SLCO3A1: variants seen among roughly 807,000 people sequenced by gnomAD.
SLCO3A1 encodes the protein solute carrier organic anion transporter family member 3A1, also known as PGE1 transporter.
A neutral mutation model predicts 63.1 loss-of-function variants in SLCO3A1; 27 were observed. The ratio of observed to expected loss-of-function variants is 0.43; its 90% CI spans 0.32 to 0.59. The LOEUF is 0.59. SLCO3A1 is among the 20% of genes least tolerant of loss of function. The pLI, the probability that SLCO3A1 is intolerant of heterozygous loss-of-function variation, is 0.09. For missense variants in SLCO3A1, 773 were observed against 945.8 expected (o/e 0.82, Z 2.40); for synonymous variants, 473 against 409.9 (o/e 1.15, Z -1.86).
At chr15:92,160,049 A>G (rs1596158278) in intron 9 of SLCO3A1, among the ~76,000 whole-genome samples, 1 of 152,106 alleles carries the variant, frequency 6.6e-6, no homozygotes, top group Non-Finnish European at 1.5e-5. Flanking sequence ...AGCATTTACT[A>G]GAGGTGTCCT....
chr15:91,955,950 G>C (rs955406887), intron 2 of SLCO3A1, among the ~76,000 whole-genome samples: 1 of 152,100 alleles, frequency 6.6e-6, no homozygotes, highest in African/African-American at 2.4e-5. Context: ...CCAACAGAAG[G>C]TATTGTTTTT....
intron 1 of SLCO3A1, among the ~76,000 whole-genome samples, chr15:91,864,228 A>G (rs1897112807): frequency 6.6e-6 from 1 of 152,182 alleles, no homozygotes; most frequent in Non-Finnish European, 1.5e-5. Flanking sequence ...TAAGTATAAC[A>G]TCGTAGAATC....
intron 7 of SLCO3A1, among the ~76,000 whole-genome samples, chr15:92,135,381 C>G (rs75624791): frequency 2.6e-5 from 4 of 152,216 alleles, no homozygotes; most frequent in Non-Finnish European, 5.9e-5. Context: ...TACCGGGGTG[C>G]AAGGTGGAAG....
At chr15:92,166,078 A>C (rs1394608168), downstream of SLCO3A1, among the ~76,000 whole-genome samples, 2 of 147,326 alleles carry the variant, frequency 1.4e-5, no homozygotes, top group Non-Finnish European at 3.0e-5. Context: ...TTGTTTTTCT[A>C]CCAATATCAT....
intron 1 of SLCO3A1, among the ~76,000 whole-genome samples, chr15:91,866,951 G>A (rs753052352): frequency 7.9e-5 from 12 of 152,150 alleles, no homozygotes; most frequent in Admixed American, 5.2e-4. Context: ...GGATAGATCC[G>A]AGGGTAGCAA....
intron 2 of SLCO3A1, among the ~76,000 whole-genome samples, chr15:92,008,130 A>G (rs760759065): frequency 6.6e-6 from 1 of 152,242 alleles, no homozygotes; most frequent in Non-Finnish European, 1.5e-5. Flanking sequence ...ATGACCCACT[A>G]GCAAAACTGA....
At position 91,916,492 on chromosome 15, in the gene SLCO3A1, C is replaced by A; in HGVS notation, c.646+34C>A. 6.7e-7 allele frequency: 1 copy of A among 1,487,480 alleles called. No homozygotes were observed. The allele number at this position is 1,487,480 out of a possible 1,614,324, so 92.1% of individuals were successfully genotyped here. A position where few individuals can be genotyped will look rare whatever the true frequency, so the allele number is the denominator to read the frequency against. Reference sequence around the variant, plus strand: ...TGCCCCAGCCGTATTAGCAAGAGACCAGGGTGTGTTGACCATGGATAAAAG... The same window carrying A: ...TGCCCCAGCCGTATTAGCAAGAGACAAGGGTGTGTTGACCATGGATAAAAG... On this transcript the variant is annotated intron_variant, in intron 2 of 9. Transcript: ENST00000318445. The surrounding 1 kb of genome is among the most constrained non-coding windows in gnomAD (Gnocchi z 6.2).
In SLCO3A1 at chr15:91,853,798, C is replaced by T; in HGVS notation, c.-111C>T. 1 of 1,025,242 alleles carries T rather than the reference C, an allele frequency of 9.8e-7. No individual in the cohort carries two copies. Among genetic ancestry groups the T allele is most frequent in the Non-Finnish European group, 1.2e-6 (1 of 843,612 alleles). The allele number at this position is 1,025,242 out of a possible 1,614,324, so 63.5% of individuals were successfully genotyped here. On this transcript the variant is annotated 5_prime_UTR_variant, in exon 1 of 10. Transcript: ENST00000318445. ...GGGGGCGGCCGCCGCGAACCCGGGG[C>T]GGGGACAGCACGCAGCCTCGAGGCG... is the stretch of plus-strand genomic sequence containing the variant.
At chr15:92,100,065 CAA>C (rs11336185) in intron 3 of SLCO3A1, among the ~76,000 whole-genome samples, 39 of 142,886 alleles carry the variant, frequency 2.7e-4, no homozygotes, top group African/African-American at 6.5e-4. Context: ...AACTCCATCT[CAA>C]AAAAAAAAAA....
At position 92,165,262 on chromosome 15, in the gene SLCO3A1, A is replaced by G. The variant is rs2048484367; in HGVS notation, c.*2127A>G. The G allele has an allele frequency of 1.0e-6, 1 of 985,336 alleles. No homozygotes were observed. The highest frequency in any genetic ancestry group is 1.2e-6 in the Non-Finnish European group (1 of 829,928). The allele number at this position is 985,336 out of a possible 1,614,324, so 61.0% of individuals were successfully genotyped here. ...AGTGTTAGTATGTCCTTGCTTATGA[A>G]AATGGGGACACTCATCAGTACGTTA... On this transcript the variant is annotated 3_prime_UTR_variant, in exon 10 of 10. Coordinates refer to ENST00000318445, the MANE Select transcript of SLCO3A1 (RefSeq NM_013272.4).
chr15:91,955,136 C>T (rs1354884618), intron 2 of SLCO3A1, among the ~76,000 whole-genome samples: 1 of 152,144 alleles, frequency 6.6e-6, no homozygotes, highest in African/African-American at 2.4e-5. Flanking sequence ...TCAGTCTTCA[C>T]CGCACCCCTG....
chr15:91,951,956 T>C (rs1456202927), intron 2 of SLCO3A1, among the ~76,000 whole-genome samples: 1 of 152,218 alleles, frequency 6.6e-6, no homozygotes, highest in East Asian at 1.9e-4. Flanking sequence ...TTTAACATTT[T>C]GAGGAACTGC....
At chr15:91,867,353 T>C (rs937914786) in intron 1 of SLCO3A1, among the ~76,000 whole-genome samples, 3 of 152,132 alleles carry the variant, frequency 2.0e-5, no homozygotes, top group African/African-American at 7.2e-5. Flanking sequence ...AATGCTGTGC[T>C]CACCAGTATG....
chr15:91,982,999 T>C (rs913384996), intron 2 of SLCO3A1, among the ~76,000 whole-genome samples: 15 of 152,216 alleles, frequency 9.9e-5, no homozygotes, highest in Admixed American at 8.5e-4. Flanking sequence ...GCTTGGGCTA[T>C]GGGAGCAGCA....
chr15:91,867,100 C>T (rs1406051501), intron 1 of SLCO3A1, among the ~76,000 whole-genome samples: 2 of 150,620 alleles, frequency 1.3e-5, no homozygotes, highest in Non-Finnish European at 2.9e-5. Context: ...AGGGCTGGCA[C>T]TGTGGAGTGC....
intron 8 of SLCO3A1, among the ~76,000 whole-genome samples, chr15:92,147,848 G>C (rs1177355850): frequency 1.3e-5 from 2 of 152,190 alleles, no homozygotes; most frequent in South Asian, 2.1e-4. Flanking sequence ...GAGTTACCTA[G>C]ATTTGTGTTG....
At chr15:91,976,399 ATAG>A (rs1490704256) in intron 2 of SLCO3A1, among the ~76,000 whole-genome samples, 1 of 152,174 alleles carries the variant, frequency 6.6e-6, no homozygotes, top group Non-Finnish European at 1.5e-5. Flanking sequence ...TTTTTTTAAC[ATAG>A]TAGAAAATGT....
intron 2 of SLCO3A1, among the ~76,000 whole-genome samples, chr15:92,022,568 C>G (rs2046523552): frequency 6.6e-6 from 1 of 152,182 alleles, no homozygotes; most frequent in African/African-American, 2.4e-5. Context: ...AGACAGAAAG[C>G]TAAATAAATT....
intron 9 of SLCO3A1, chr15:92,151,276 T>C: frequency 1.1e-5 from 4 of 353,462 alleles, no homozygotes; most frequent in Middle Eastern, 8.2e-4. Context: ...GGAAAAGAGA[T>C]GGCACCAAAG....
Sources: gnomAD v4.1 joint callset for allele counts (sites outside exome capture counted in the v4.1 genomes callset) on GRCh38, gnomAD v4.1.1 for gene constraint, Gnocchi (gnomAD v3.1) non-coding constraint, MANE v1.5 for transcripts, NCBI Gene and HGNC (gene_info 2026-07-23, HGNC 2026-07-21) for gene names.